Variants in ALPK2 observed in about 807,000 individuals in gnomAD.
ALPK2 encodes alpha-protein kinase 2.
Under a neutral mutation model 163.1 loss-of-function variants are expected in ALPK2, and 127 were observed. The observed-to-expected ratio is 0.78, with a 90% CI of 0.67 to 0.90. The LOEUF is 0.90. Ranked by LOEUF, ALPK2 falls within the 40% of genes least tolerant of loss-of-function variation. The pLI is 0.00. For missense variants in ALPK2, 2,360 were observed against 2,589.6 expected (o/e 0.91, Z 1.92); for synonymous variants, 953 against 959.1 (o/e 0.99, Z 0.12).
At chr18:58,618,246 C>T (rs1437356177) in intron 1 of ALPK2, among the ~76,000 whole-genome samples, 1 of 152,128 alleles carries the variant, frequency 6.6e-6, no homozygotes, top group Non-Finnish European at 1.5e-5. Flanking sequence ...GGGGTTTCAC[C>T]ATATTGGCCA....
At chr18:58,555,109 C>T (rs2051783124) in intron 4 of ALPK2, among the ~76,000 whole-genome samples, 1 of 152,212 alleles carries the variant, frequency 6.6e-6, no homozygotes, top group Non-Finnish European at 1.5e-5. Context: ...CACAGCTCAA[C>T]AGGCATATGG....
intron 4 of ALPK2, among the ~76,000 whole-genome samples, chr18:58,572,061 T>A (rs1198821205): frequency 1.4e-5 from 2 of 143,664 alleles, no homozygotes; most frequent in Non-Finnish European, 3.0e-5. Flanking sequence ...AATTCAACCA[T>A]AAAATAACAG....
At chr18:58,557,803 A>C (rs1165998825) in intron 4 of ALPK2, among the ~76,000 whole-genome samples, 1 of 152,052 alleles carries the variant, frequency 6.6e-6, no homozygotes, top group Non-Finnish European at 1.5e-5. Flanking sequence ...CTTTTAAAAA[A>C]TTACAATAGA....
intron 4 of ALPK2, chr18:58,577,871 AAAT>A (rs1203641206): frequency 1.3e-5 from 2 of 152,228 alleles, no homozygotes; most frequent in Non-Finnish European, 2.9e-5. Context: ...TCTTCTATAA[AAAT>A]AATACTAGTT....
In ALPK2 at chr18:58,578,731, G is replaced by GACACACACACAC. The variant is rs1478568401; in HGVS notation, c.1962+82_1962+83insGTGTGTGTGTGT. ...CAATTGTGAATGTGAAGTAAAGGAA[G>GACACACACACAC]AGACACACACACACACACACACACA... On this transcript the variant is annotated intron_variant, in intron 4 of 12. Coordinates refer to ENST00000361673, the MANE Select transcript of ALPK2 (RefSeq NM_052947.4). 400 of 104,212 alleles carry GACACACACACAC rather than the reference G, an allele frequency of 3.8e-3. 5 individuals carry two copies. Among genetic ancestry groups the GACACACACACAC allele is most frequent in the South Asian group, 0.033 (63 of 1,886 alleles). 6.5% of individuals were successfully genotyped at this position (104,212 alleles called of 1,614,324 possible). A position where few individuals can be genotyped will look rare whatever the true frequency, so the allele number is the denominator to read the frequency against.
At chr18:58,576,709 G>T (rs1568090606) in intron 4 of ALPK2, among the ~76,000 whole-genome samples, 1 of 152,140 alleles carries the variant, frequency 6.6e-6, no homozygotes, top group South Asian at 2.1e-4. Context: ...GTGGGTAAAA[G>T]AATCTCAAAT....
chr18:58,623,223 C>T (rs73447283), intron 1 of ALPK2, among the ~76,000 whole-genome samples: 5,569 of 152,156 alleles, frequency 0.037, 315 homozygotes, highest in African/African-American at 0.13. Context: ...AATGCCTCCA[C>T]TTGCCTTATT....
intron 11 of ALPK2, among the ~76,000 whole-genome samples, chr18:58,503,618 G>C (rs1316089506): frequency 6.6e-6 from 1 of 152,204 alleles, no homozygotes; most frequent in Non-Finnish European, 1.5e-5. Context: ...AGGAATACTT[G>C]AGCCCAGGAG....
rs190082614 is a variant in ALPK2, at chr18:58,564,374, G to A, written c.1962+14440C>T. 5.3e-5 allele frequency among the ~76,000 whole-genome samples: 8 copies of A among 151,752 alleles called. No homozygotes were observed. In the South Asian group the frequency reaches 8.4e-4, roughly 16 times the overall value. ...CGACCTCAGGTGATTCGCCCACCTC[G>A]GCCTCTCAAAGTGCTGGGATTACAG... On this transcript the variant is annotated intron_variant, in intron 4 of 12. Transcript: ENST00000361673.
chr18:58,560,386 A>G (rs950317025), intron 4 of ALPK2, among the ~76,000 whole-genome samples: 1 of 152,234 alleles, frequency 6.6e-6, no homozygotes, highest in African/African-American at 2.4e-5. Context: ...CTTTATCAGC[A>G]GCATGAAAAC....
rs2051600623 is a variant in ALPK2, at chr18:58,529,343, C to T, written c.5354-105G>A. On this transcript the variant is annotated intron_variant, in intron 5 of 12. Coordinates refer to ENST00000361673, the MANE Select transcript of ALPK2 (RefSeq NM_052947.4). ...GAGACAGGAATATTAATTATTATCC[C>T]CAATTATGGAAGTGAGAATTGAGTC... The T allele has an allele frequency of 4.9e-6, 6 of 1,227,272 alleles. No individual in the cohort carries two copies. In the African/African-American group the frequency reaches 6.1e-5, roughly 13 times the overall value. 76.0% of individuals were successfully genotyped at this position (1,227,272 alleles called of 1,614,324 possible). A position where few individuals can be genotyped will look rare whatever the true frequency, so the allele number is the denominator to read the frequency against.
chr18:58,588,576 C>T (rs1470012456), intron 3 of ALPK2, among the ~76,000 whole-genome samples: 1 of 152,164 alleles, frequency 6.6e-6, no homozygotes, highest in Non-Finnish European at 1.5e-5. Flanking sequence ...CCTTACACTG[C>T]TCCCCCTCAA....
Position 58,584,727 on chromosome 18 carries a change from A to G in ALPK2, c.228-4179T>C, listed in dbSNP as rs190250868. On this transcript the variant is annotated intron_variant, in intron 3 of 12. Transcript: ENST00000361673. ...AAATGACTAAAAATTGACTGAAGGA[A>G]ATAGTATTACTTTCCCAGAGAACCT... Among the ~76,000 whole-genome samples, 479 of 152,336 alleles carry G rather than the reference A, an allele frequency of 3.1e-3. 2 individuals carry two copies. The highest frequency in any genetic ancestry group is 5.3e-3 in the Non-Finnish European group (360 of 68,028).
intron 8 of ALPK2, among the ~76,000 whole-genome samples, chr18:58,518,964 T>A (rs1013096841): frequency 6.6e-6 from 1 of 152,236 alleles, no homozygotes; most frequent in African/African-American, 2.4e-5. Context: ...TTGTTTGATT[T>A]CTCTCATTAA....
chr18:58,615,908 C>T (rs892639559), intron 1 of ALPK2, among the ~76,000 whole-genome samples: 2 of 152,220 alleles, frequency 1.3e-5, no homozygotes, highest in African/African-American at 4.8e-5. Flanking sequence ...ATTTGACTCA[C>T]ATAGTCAGTT....
In ALPK2 at chr18:58,535,899, C is replaced by T. The variant is rs541004764; in HGVS notation, c.4288G>A (p.Ala1430Thr). 39 of 1,614,196 alleles carry T rather than the reference C, an allele frequency of 2.4e-5. No homozygotes were observed. The East Asian group carries it at 6.0e-4, about 25-fold the overall frequency. ...PEPSETTPQG[A>T]REGGQSNDGN... ...TCATTTGATTGACCCCCTTCTCTGG[C>T]GCCCTGTGGTGTGGTTTCAGAGGGC... The change falls in exon 5 of 13, where the codon GCC becomes ACC. Residue 1430 changes from alanine to threonine, a missense_variant. By Grantham distance (58) the Ala-to-Thr change is moderately conservative. Transcript: ENST00000361673.
chr18:58,531,691 T>C (rs1364102275), intron 5 of ALPK2, among the ~76,000 whole-genome samples: 2 of 138,552 alleles, frequency 1.4e-5, no homozygotes, highest in Non-Finnish European at 3.1e-5. Flanking sequence ...GCATGGTGGC[T>C]CATTTTGGGA....
Position 58,537,922 on chromosome 18 carries a change from C to G in ALPK2, c.2265G>C (p.Val755=). 2 of 1,614,198 alleles carry G rather than the reference C, an allele frequency of 1.2e-6. No homozygotes were observed. Among genetic ancestry groups the G allele is most frequent in the South Asian group, 2.2e-5 (2 of 91,078 alleles). Residue 755 remains valine, a synonymous_variant, in exon 5 of 13, where the codon GTG becomes GTC. Transcript: ENST00000361673. ...EANDETMSPG[V]FSRHLPKDAR... ...CATCCTTGGGGAGATGCCTTGAGAACACACCTGGGGACATAGTCTCATCAT... is the reference window on the plus strand; with the variant it reads ...CATCCTTGGGGAGATGCCTTGAGAAGACACCTGGGGACATAGTCTCATCAT...
rs543291457 is a variant in ALPK2 at position 58,492,419 on chromosome 18, G to A, written c.6296+5630C>T. The stretch of plus-strand genomic sequence containing the variant: ...ACATTCCCTCTCTGATCTGTCATGA[G>A]GCTCCCACCTGGTGACACTACATTG... On this transcript the variant is annotated intron_variant, in intron 12 of 12. Transcript: ENST00000361673. 3.9e-5 allele frequency among the ~76,000 whole-genome samples: 6 copies of A among 152,248 alleles called. No homozygotes were observed. The East Asian group carries it at 1.2e-3, about 29-fold the overall frequency.
Sources: gnomAD v4.1 joint callset for allele counts (sites outside exome capture counted in the v4.1 genomes callset) on GRCh38, gnomAD v4.1.1 for gene constraint, MANE v1.5 for transcripts, NCBI Gene and HGNC (gene_info 2026-07-23, HGNC 2026-07-21) for gene names.